The following BTBD8 variants were observed in gnomAD, a reference collection of about 807,000 sequenced individuals.
BTBD8 encodes BTB domain containing 8.
In BTBD8, 110 loss-of-function variants were observed where a neutral mutation model predicts 162.9. That is an observed-to-expected ratio of 0.68 (90% CI 0.58 to 0.79). The LOEUF (loss-of-function observed/expected upper bound fraction) is 0.79. BTBD8 is among the 30% of genes least tolerant of loss of function. BTBD8 has a pLI of 0.00. For missense variants in BTBD8, 1,905 were observed against 2,085.4 expected (o/e 0.91, Z 1.68); for synonymous variants, 667 against 716.1 (o/e 0.93, Z 1.10).
At chr1:92,099,071 T>A (rs1258059860) in intron 2 of BTBD8, among the ~76,000 whole-genome samples, 1 of 152,236 alleles carries the variant, frequency 6.6e-6, no homozygotes, top group African/African-American at 2.4e-5. Context: ...AATTTTTGTA[T>A]ATGGTATGAG....
rs1402308555 is a variant in BTBD8 at position 92,175,816 on chromosome 1, G to T, written c.1636-1013G>T. ...TCTCAAAAAAGAAAGAAAAAAGAAA[G>T]AAAAAAAAGAATGACAATATGATCT... On this transcript the variant is annotated intron_variant, in intron 13 of 17. Coordinates refer to ENST00000636805, the MANE Select transcript of BTBD8 (RefSeq NM_001376131.1). Among the ~76,000 whole-genome samples the T allele has an allele frequency of 4.7e-5, 7 of 149,234 alleles. 1 individual carries two copies. Among genetic ancestry groups the T allele is most frequent in the Non-Finnish European group, 1.0e-4 (7 of 66,954 alleles).
At position 92,124,526 on chromosome 1, in the gene BTBD8, G is replaced by A. The variant is rs144236243; in HGVS notation, c.663-5161G>A. On this transcript the variant is annotated intron_variant, in intron 4 of 17. Coordinates refer to ENST00000636805, the MANE Select transcript of BTBD8 (RefSeq NM_001376131.1). ...TAGCCAGGAGTTTGAGGCTGCAGTG[G>A]GCTATGATTGTGCTACTGCACTCCA... Among the ~76,000 whole-genome samples, 269 of 152,308 alleles carry A rather than the reference G, an allele frequency of 1.8e-3. 3 individuals are homozygous for A. The highest frequency in any genetic ancestry group is 5.9e-3 in the African/African-American group (246 of 41,582).
chr1:92,107,894 C>G lies in BTBD8; in HGVS notation c.555C>G (p.Asp185Glu), dbSNP rs1248393485. The G allele has an allele frequency of 2.5e-6, 4 of 1,612,574 alleles. No individual in the cohort carries two copies. Among genetic ancestry groups the G allele is most frequent in the Non-Finnish European group, 2.5e-6 (3 of 1,179,292 alleles). Reference protein sequence around the residue: ...DDDFISNDNYDLEPASELGED... With the variant: ...DDDFISNDNYELEPASELGED... ...TTTTCTTTTTTAAAGATAATTATGA[C>G]TTGGAGCCTGCATCTGAATTAGGAG... The change falls in exon 4 of 18, where the codon GAC becomes GAG. Residue 185 changes from aspartate (D) to glutamate (E), a missense_variant. Around this residue, in one of 3 missense-constraint regions of BTBD8, gnomAD observed 1,374 missense variants for 1,442.7 expected, o/e 0.95. Coordinates refer to ENST00000636805, the MANE Select transcript of BTBD8 (RefSeq NM_001376131.1).
intron 16 of BTBD8, among the ~76,000 whole-genome samples, chr1:92,180,047 G>C (rs1043235361): frequency 2.6e-5 from 4 of 151,922 alleles, no homozygotes; most frequent in African/African-American, 9.7e-5. Context: ...CTGGGACCCT[G>C]GAGTAGTCCC....
At chr1:92,118,044 A>G (rs1426235107) in intron 4 of BTBD8, among the ~76,000 whole-genome samples, 1 of 151,994 alleles carries the variant, frequency 6.6e-6, no homozygotes, top group Admixed American at 6.5e-5. Context: ...TTAAAAGAGT[A>G]CAGTATTCTC....
chr1:92,091,048 C>G (rs1453129872), intron 2 of BTBD8, among the ~76,000 whole-genome samples: 2 of 152,198 alleles, frequency 1.3e-5, no homozygotes, highest in African/African-American at 4.8e-5. Context: ...AAGATTTACT[C>G]ATTAATATGG....
chr1:92,182,322 A>C lies in BTBD8; in HGVS notation c.4639A>C (p.Arg1547=), dbSNP rs757976102. The C allele has an allele frequency of 1.6e-5, 25 of 1,550,820 alleles. No homozygotes were observed. The highest frequency in any genetic ancestry group is 2.1e-5 in the Non-Finnish European group (24 of 1,146,756). ...NTIDVLSSRS[R]QLLREDKKVN... Reference sequence around the variant, plus strand: ...AATAGACGTCCTATCCAGTAGAAGCAGACAGCTTCTTCGAGAAGATAAAAA... The same window carrying C: ...AATAGACGTCCTATCCAGTAGAAGCCGACAGCTTCTTCGAGAAGATAAAAA... The change falls in exon 17 of 18, where the codon AGA becomes CGA. Residue 1547 remains arginine, a synonymous_variant. Transcript: ENST00000636805.
intron 1 of BTBD8, among the ~76,000 whole-genome samples, chr1:92,086,770 T>C (rs1006974878): frequency 3.9e-5 from 6 of 152,174 alleles, no homozygotes; most frequent in African/African-American, 9.6e-5. Flanking sequence ...TCCTTCTTGC[T>C]CCCTTTTATC....
At chr1:92,147,556 G>T in intron 8 of BTBD8, 128 bp from the exon 9 acceptor site, 1 of 682,934 alleles carries the variant, frequency 1.5e-6, no homozygotes, top group Admixed American at 3.1e-5. Context: ...CCATTTTAGG[G>T]TTCATAAAAT....
At chr1:92,147,093 T>C in intron 7 of BTBD8, 87 bp from the exon 8 acceptor site, 1 of 943,080 alleles carries the variant, frequency 1.1e-6, no homozygotes, top group Non-Finnish European at 1.6e-6. Context: ...AGTTTAGGTA[T>C]ATAAATTGGA....
intron 3 of BTBD8, among the ~76,000 whole-genome samples, chr1:92,105,510 C>T (rs887727561): frequency 6.6e-6 from 1 of 151,492 alleles, no homozygotes; most frequent in African/African-American, 2.4e-5. Context: ...GCCTCAGCCT[C>T]CCAAAGTGCT....
rs1162444610 is a variant in BTBD8 at position 92,176,988 on chromosome 1, A to G, written c.1795A>G (p.Asn599Asp). The G allele has an allele frequency of 6.5e-6, 10 of 1,547,708 alleles. No individual in the cohort carries two copies. Among genetic ancestry groups the G allele is most frequent in the Non-Finnish European group, 8.7e-6 (10 of 1,145,446 alleles). Residue 599 changes from asparagine (N) to aspartate (D), a missense_variant, in exon 14 of 18, where the codon AAT (asparagine) becomes GAT (aspartate). Asn to Asp is a conservative substitution (Grantham distance 23, BLOSUM62 1). Coordinates refer to ENST00000636805, the MANE Select transcript of BTBD8 (RefSeq NM_001376131.1). ...HSSSTNRNSI[N>D]KTLKQDDVKE... ...GTCAAGTACCAATAGAAATAGTATA[A>G]ATAAAACTCTGAAGCAAGATGATGT...
At position 92,129,668 on chromosome 1, in the gene BTBD8, TC is replaced by T. The variant is rs1225643759; in HGVS notation, c.663-13del. On this transcript the variant is annotated intron_variant, in intron 4 of 17. Coordinates refer to ENST00000636805, the MANE Select transcript of BTBD8 (RefSeq NM_001376131.1). ...ATATGTAAATGTTTACCTGTGTTTC[TC>T]CCCCCTCTTCCCTTTAGGGCCATTT... is the stretch of plus-strand genomic sequence containing the variant. 1.5e-5 allele frequency: 24 copies of T among 1,581,868 alleles called. No homozygotes were observed. Among genetic ancestry groups the T allele is most frequent in the Non-Finnish European group, 2.0e-5 (23 of 1,150,768 alleles).
chr1:92,148,632 G>A lies in BTBD8; in HGVS notation c.1122+846G>A, dbSNP rs1206610801. 2.0e-5 allele frequency among the ~76,000 whole-genome samples: 3 copies of A among 152,184 alleles called. No individual in the cohort carries two copies. In the East Asian group the frequency reaches 5.8e-4, roughly 29 times the overall value. On this transcript the variant is annotated intron_variant, in intron 9 of 17. Transcript: ENST00000636805. ...CCTAAAAACCAAAGTTTGGAAATAGGTGTGGCACCACACACAATTACTCCT... is the reference window on the plus strand; with the variant it reads ...CCTAAAAACCAAAGTTTGGAAATAGATGTGGCACCACACACAATTACTCCT...
intron 4 of BTBD8, among the ~76,000 whole-genome samples, chr1:92,116,806 A>G (rs1190965347): frequency 1.3e-5 from 2 of 150,512 alleles, no homozygotes; most frequent in African/African-American, 2.4e-5. Flanking sequence ...CTATTTGACT[A>G]TTTGTAATAA....
rs547097998 is a variant in BTBD8, at chr1:92,154,245, T to C, written c.1122+6459T>C. Among the ~76,000 whole-genome samples, 7 of 152,286 alleles carry C rather than the reference T, an allele frequency of 4.6e-5. No individual in the cohort carries two copies. In the South Asian group the frequency reaches 1.4e-3, roughly 32 times the overall value. ...TAATAAACCTCTTTTCCTTATAAAT[T>C]ACTTAGCCTGCAGTAGTCCTTTCAT... is the stretch of plus-strand genomic sequence containing the variant. On this transcript the variant is annotated intron_variant, in intron 9 of 17. Transcript: ENST00000636805.
intron 9 of BTBD8, among the ~76,000 whole-genome samples, chr1:92,150,364 G>A (rs563357571): frequency 3.4e-4 from 52 of 152,302 alleles, no homozygotes; most frequent in African/African-American, 1.2e-3. Flanking sequence ...GAATCTGTGA[G>A]TGGCAGTAAT....
At chr1:92,085,153 GT>G (rs1307504674) in intron 1 of BTBD8, among the ~76,000 whole-genome samples, 1 of 152,202 alleles carries the variant, frequency 6.6e-6, no homozygotes, top group African/African-American at 2.4e-5. Context: ...TAGGTATTAT[GT>G]TTTAGTCATC....
chr1:92,184,392 A>G lies in BTBD8; in HGVS notation c.*62A>G, dbSNP rs1190053115. ...ATTTTTTGATGCCTATATTATATCCAAATGATAATTGCATTAGCCGGATAT... is the reference window on the plus strand; with the variant it reads ...ATTTTTTGATGCCTATATTATATCCGAATGATAATTGCATTAGCCGGATAT... On this transcript the variant is annotated 3_prime_UTR_variant, in exon 18 of 18. Transcript: ENST00000636805. 1 of 998,778 alleles carries G rather than the reference A, an allele frequency of 1.0e-6. No individual in the cohort carries two copies. The highest frequency in any genetic ancestry group is 1.6e-5 in the African/African-American group (1 of 61,062). 61.9% of individuals were successfully genotyped at this position (998,778 alleles called of 1,614,324 possible).
Sources: gnomAD v4.1 joint callset for allele counts (sites outside exome capture counted in the v4.1 genomes callset) on GRCh38, gnomAD v4.1.1 for gene constraint, gnomAD v4.1.1 regional missense constraint, MANE v1.5 for transcripts, NCBI Gene and HGNC (gene_info 2026-07-23, HGNC 2026-07-21) for gene names.